TRERF1: variants seen among roughly 807,000 people sequenced by gnomAD.
TRERF1 encodes the protein transcriptional-regulating factor 1.
In TRERF1, 27 loss-of-function variants were observed where a neutral mutation model predicts 122.9. The observed-to-expected ratio is 0.22, with a 90% CI of 0.16 to 0.30. The LOEUF is 0.30. Ranked by LOEUF, TRERF1 falls within the 10% of genes least tolerant of loss-of-function variation. The probability of loss-of-function intolerance (pLI) is 1.00; values close to 1 mark genes in which losing one functional copy is unlikely to be tolerated. For missense variants in TRERF1, 1,248 were observed against 1,560.3 expected (o/e 0.80, Z 3.37); for synonymous variants, 636 against 641.7 (o/e 0.99, Z 0.13).
intron 2 of TRERF1, among the ~76,000 whole-genome samples, chr6:42,389,284 C>T (rs1386781786): frequency 2.0e-5 from 3 of 152,304 alleles, no homozygotes; most frequent in South Asian, 2.1e-4. Flanking sequence ...TGGAGGATTC[C>T]GGGTCAGGAT....
chr6:42,444,721 C>G (rs1431247438), intron 2 of TRERF1, among the ~76,000 whole-genome samples: 13 of 152,176 alleles, frequency 8.5e-5, no homozygotes. Context: ...CACTCCCTCT[C>G]CACTGATCTT....
chr6:42,263,205 C>A lies in TRERF1; in HGVS notation c.1884+115G>T. 6.9e-7 allele frequency: 1 copy of A among 1,457,832 alleles called. No homozygotes were observed. The highest frequency in any genetic ancestry group is 1.4e-5 in the African/African-American group (1 of 70,432). 90.3% of individuals were successfully genotyped at this position (1,457,832 alleles called of 1,614,324 possible). ...GACTCTGGAAGGGCCGCCCCATCTC[C>A]AAGAAAGCAAAGGGATGTCCCCACC... On this transcript the variant is annotated intron_variant, in intron 8 of 17. Transcript: ENST00000372922. The surrounding 1 kb of genome is among the most constrained non-coding windows in gnomAD (Gnocchi z 5.6).
chr6:42,252,082 G>A (rs1775926859), intron 13 of TRERF1, among the ~76,000 whole-genome samples: 2 of 152,236 alleles, frequency 1.3e-5, no homozygotes, highest in African/African-American at 4.8e-5. Flanking sequence ...ACAGAGGGCT[G>A]GACTGTGCAT....
intron 3 of TRERF1, among the ~76,000 whole-genome samples, chr6:42,331,109 T>C (rs1455368285): frequency 1.3e-5 from 2 of 152,226 alleles, no homozygotes; most frequent in Non-Finnish European, 2.9e-5. Flanking sequence ...CTGTAGGACT[T>C]CTGATTCAAA....
intron 12 of TRERF1, among the ~76,000 whole-genome samples, chr6:42,255,203 G>A (rs867665156): frequency 3.3e-5 from 5 of 152,130 alleles, no homozygotes; most frequent in South Asian, 2.1e-4. Flanking sequence ...AATCCCACCC[G>A]CCCCAGAGAT....
chr6:42,256,670 G>C, intron 12 of TRERF1, 58 bp downstream of exon 12: 1 of 1,508,988 alleles, frequency 6.6e-7, no homozygotes, highest in Non-Finnish European at 9.2e-7. Context: ...AGACAATATT[G>C]AAACTTGGGA....
intron 2 of TRERF1, among the ~76,000 whole-genome samples, chr6:42,408,301 A>G (rs1780576483): frequency 2.9e-5 from 4 of 139,088 alleles, no homozygotes; most frequent in African/African-American, 1.1e-4. Context: ...GTGTATGTAT[A>G]TATACATACT....
intron 4 of TRERF1, among the ~76,000 whole-genome samples, chr6:42,291,598 A>C (rs1374188895): frequency 6.6e-6 from 1 of 152,058 alleles, no homozygotes; most frequent in Non-Finnish European, 1.5e-5. Context: ...CAGTGGCACA[A>C]TCTCGGCTCA....
intron 2 of TRERF1, among the ~76,000 whole-genome samples, chr6:42,420,066 C>A (rs185434279): frequency 2.6e-5 from 4 of 152,166 alleles, no homozygotes; most frequent in African/African-American, 4.8e-5. Context: ...CAACCTCTAG[C>A]GCCCTCTTTC....
intron 3 of TRERF1, among the ~76,000 whole-genome samples, chr6:42,327,138 A>G (rs1243689122): frequency 6.6e-6 from 1 of 152,226 alleles, no homozygotes; most frequent in African/African-American, 2.4e-5. Context: ...ATAGAGGTCA[A>G]TAGTGGCTGA....
chr6:42,301,634 A>G (rs1786221786), intron 3 of TRERF1, among the ~76,000 whole-genome samples: 1 of 152,252 alleles, frequency 6.6e-6, no homozygotes, highest in South Asian at 2.1e-4. Context: ...ATACTGATAC[A>G]AAGTGCAAGC....
At chr6:42,285,005 C>A (rs955135860) in intron 4 of TRERF1, among the ~76,000 whole-genome samples, 3 of 151,892 alleles carry the variant, frequency 2.0e-5, no homozygotes, top group African/African-American at 7.3e-5. Flanking sequence ...AGATTTCTGA[C>A]AAAGCTGACA....
intron 2 of TRERF1, among the ~76,000 whole-genome samples, chr6:42,450,550 C>T (rs1255140973): frequency 1.3e-5 from 2 of 152,218 alleles, no homozygotes; most frequent in African/African-American, 4.8e-5. Flanking sequence ...TTTCTTGTAA[C>T]CTAAGGATGG....
intron 3 of TRERF1, among the ~76,000 whole-genome samples, chr6:42,360,895 A>G (rs529028802): frequency 6.6e-6 from 1 of 151,680 alleles, no homozygotes; most frequent in African/African-American, 2.4e-5. Context: ...GAGCTGATTA[A>G]TCAATTCATT....
At position 42,263,288 on chromosome 6, in the gene TRERF1, G is replaced by C; in HGVS notation, c.1884+32C>G. Reference sequence around the variant, plus strand: ...AGGCGTGCGGGGGGCAGCCCCTTGGGGTGAGTGTGGGGGAGAGAGGGTCAT... The same window carrying C: ...AGGCGTGCGGGGGGCAGCCCCTTGGCGTGAGTGTGGGGGAGAGAGGGTCAT... On this transcript the variant is annotated intron_variant, in intron 8 of 17. Transcript: ENST00000372922. The surrounding 1 kb of genome is among the most constrained non-coding windows in gnomAD (Gnocchi z 5.6). The C allele has an allele frequency of 6.3e-7, 1 of 1,589,488 alleles. No homozygotes were observed. The highest frequency in any genetic ancestry group is 8.6e-7 in the Non-Finnish European group (1 of 1,166,010).
At chr6:42,450,083 T>C (rs2151848847) in intron 2 of TRERF1, among the ~76,000 whole-genome samples, 1 of 152,324 alleles carries the variant, frequency 6.6e-6, no homozygotes, top group Non-Finnish European at 1.5e-5. Context: ...ACCAGTAGGC[T>C]GAGGACCAAG....
intron 3 of TRERF1, among the ~76,000 whole-genome samples, chr6:42,339,604 G>A (rs1766862010): frequency 1.3e-5 from 2 of 152,180 alleles, no homozygotes; most frequent in African/African-American, 4.8e-5. Context: ...GCTAATAAAA[G>A]CACATAAGGA....
intron 3 of TRERF1, among the ~76,000 whole-genome samples, chr6:42,342,154 C>T (rs1184068517): frequency 1.3e-5 from 2 of 152,232 alleles, no homozygotes; most frequent in African/African-American, 2.4e-5. Flanking sequence ...TAAAGATTCC[C>T]ACTGTCCTGA....
intron 2 of TRERF1, among the ~76,000 whole-genome samples, chr6:42,425,904 A>T (rs990452507): frequency 1.3e-5 from 2 of 151,014 alleles, no homozygotes; most frequent in African/African-American, 4.9e-5. Context: ...GCCCCCACAA[A>T]CCTCCCCAGG....
Sources: gnomAD v4.1 joint callset for allele counts (sites outside exome capture counted in the v4.1 genomes callset) on GRCh38, gnomAD v4.1.1 for gene constraint, Gnocchi (gnomAD v3.1) non-coding constraint, MANE v1.5 for transcripts, NCBI Gene and HGNC (gene_info 2026-07-23, HGNC 2026-07-21) for gene names.